The following ALG8 variants were observed in gnomAD, a reference collection of about 807,000 sequenced individuals.
The protein encoded by ALG8 is dolichyl pyrophosphate Glc1Man9GlcNAc2 alpha-1,3-glucosyltransferase.
A neutral mutation model predicts 70.2 loss-of-function variants in ALG8; 48 were observed. The ratio of observed to expected loss-of-function variants is 0.68; its 90% CI spans 0.54 to 0.87. The LOEUF (loss-of-function observed/expected upper bound fraction) is 0.87. Ranked by LOEUF, ALG8 falls within the 40% of genes least tolerant of loss-of-function variation. ALG8 has a pLI of 0.00. For missense variants in ALG8, 572 were observed against 608.7 expected, an observed-to-expected ratio of 0.94 and a Z score of 0.64; for synonymous variants, 234 against 229.0, an observed-to-expected ratio of 1.02 and a Z score of -0.20.
intron 12 of ALG8, among the ~76,000 whole-genome samples, chr11:78,101,825 T>C (rs1026150125): frequency 2.6e-5 from 4 of 152,000 alleles, no homozygotes; most frequent in Non-Finnish European, 4.4e-5. Flanking sequence ...TGAGAAACAA[T>C]ATAGAATTGA....
intron 6 of ALG8, 93 bp downstream of exon 6, chr11:78,114,173 G>A: frequency 2.6e-6 from 4 of 1,545,258 alleles, no homozygotes; most frequent in Non-Finnish European, 3.6e-6. Context: ...GATATCTGCT[G>A]TGCTTCATAA....
chr11:78,105,966 C>T lies in ALG8; in HGVS notation c.1178+841G>A, dbSNP rs188050670. On this transcript the variant is annotated intron_variant, in intron 10 of 12. Coordinates refer to ENST00000299626, the MANE Select transcript of ALG8 (RefSeq NM_024079.5). ...TCAAGTGAACCACCGCTTCAGCCTCCGAAAGTACTGGGATTGCAGATGTGA... is the reference window on the plus strand; with the variant it reads ...TCAAGTGAACCACCGCTTCAGCCTCTGAAAGTACTGGGATTGCAGATGTGA... Among the ~76,000 whole-genome samples the T allele has an allele frequency of 1.2e-3, 180 of 152,128 alleles. 1 individual carries two copies. Among genetic ancestry groups the T allele is most frequent in the Middle Eastern group, 6.8e-3 (2 of 294 alleles).
Position 78,127,418 on chromosome 11 carries a change from T to C in ALG8, c.114A>G (p.Glu38=). Residue 38 remains glutamate (E), a synonymous_variant, in exon 2 of 13, where the codon GAA becomes GAG. Transcript: ENST00000299626. ...LIPTYHSTDF[E]VHRNWLAITH... ...TGATAGCAAGCCAGTTTCGGTGTAC[T>C]TCAAAATCTGTGGAATGGCTACTCA... 1 of 1,613,960 alleles carries C rather than the reference T, an allele frequency of 6.2e-7. No individual in the cohort carries two copies. The highest frequency in any genetic ancestry group is 8.5e-7 in the Non-Finnish European group (1 of 1,179,894).
chr11:78,123,030 C>T (rs115408194), intron 3 of ALG8, among the ~76,000 whole-genome samples: 1 of 151,740 alleles, frequency 6.6e-6, no homozygotes, highest in Non-Finnish European at 1.5e-5. Context: ...AGAATGAGGT[C>T]GGTGCAGCGG....
intron 4 of ALG8, among the ~76,000 whole-genome samples, chr11:78,120,591 C>T (rs1860777445): frequency 6.6e-6 from 1 of 152,172 alleles, no homozygotes; most frequent in Non-Finnish European, 1.5e-5. Flanking sequence ...AAAACTGCAA[C>T]TATTAGTTTC....
intron 9 of ALG8, among the ~76,000 whole-genome samples, chr11:78,108,161 T>C (rs1262608052): frequency 6.6e-6 from 1 of 152,140 alleles, no homozygotes; most frequent in Non-Finnish European, 1.5e-5. Context: ...ATGCCTGTAG[T>C]TCCAGCTACT....
At chr11:78,109,961 G>C (rs590981) in intron 8 of ALG8, among the ~76,000 whole-genome samples, 7 of 152,132 alleles carry the variant, frequency 4.6e-5, no homozygotes, top group Non-Finnish European at 4.4e-5. Context: ...ATAGTATCCA[G>C]TGTCTTCCAT....
rs1220218900 is a variant in ALG8 at position 78,123,315 on chromosome 11, G to GAAAAAAAAAAAAAAAAAAAAAA, written c.368+705_368+706insTTTTTTTTTTTTTTTTTTTTTT. Among the ~76,000 whole-genome samples, 7 of 88,546 alleles carry GAAAAAAAAAAAAAAAAAAAAAA rather than the reference G, an allele frequency of 7.9e-5. 1 individual carries two copies. The highest frequency in any genetic ancestry group is 7.6e-4 in the South Asian group (2 of 2,628). The allele number at this position is 88,546 out of a possible 152,430, so 58.1% of individuals were successfully genotyped here. A position where few individuals can be genotyped will look rare whatever the true frequency, so the allele number is the denominator to read the frequency against. On this transcript the variant is annotated intron_variant, in intron 3 of 12. Transcript: ENST00000299626. ...AAGATTCCATCTCAGGGAAAAAAAA[G>GAAAAAAAAAAAAAAAAAAAAAA]AAAAAAAAAAAAAAAAAAAAAGAAA...
chr11:78,108,711 G>A (rs1361353349), intron 9 of ALG8, among the ~76,000 whole-genome samples: 2 of 152,148 alleles, frequency 1.3e-5, no homozygotes, highest in African/African-American at 4.8e-5. Context: ...TAAAATATGT[G>A]AACAAACAGC....
At position 78,105,376 on chromosome 11, in the gene ALG8, G is replaced by GT. The variant is rs1391117912; in HGVS notation, c.1179-924dup. Among the ~76,000 whole-genome samples, 5 of 152,206 alleles carry GT rather than the reference G, an allele frequency of 3.3e-5. No homozygotes were observed. The East Asian group carries it at 5.8e-4, about 18-fold the overall frequency. Reference sequence around the variant, plus strand: ...AAACTGGACACTTACATTTAAAATGGTTTTTTTAGCATGGCATAGTGAAAA... The same window carrying GT: ...AAACTGGACACTTACATTTAAAATGGTTTTTTTTAGCATGGCATAGTGAAAA... On this transcript the variant is annotated intron_variant, in intron 10 of 12. Coordinates refer to ENST00000299626, the MANE Select transcript of ALG8 (RefSeq NM_024079.5).
chr11:78,133,493 G>A (rs536951514), intron 1 of ALG8: 5 of 152,086 alleles, frequency 3.3e-5, no homozygotes, highest in African/African-American at 1.2e-4. Flanking sequence ...TGTATCATTC[G>A]ATTTTAGTGC....
intron 4 of ALG8, 96 bp from the exon 5 acceptor site, chr11:78,119,345 A>G (rs1349866120): frequency 1.2e-6 from 1 of 852,524 alleles, no homozygotes; most frequent in Non-Finnish European, 2.0e-6. Flanking sequence ...CTTTAATAGC[A>G]AAATTAAAGA....
At chr11:78,134,031 C>T (rs1861432245) in intron 1 of ALG8, among the ~76,000 whole-genome samples, 1 of 152,132 alleles carries the variant, frequency 6.6e-6, no homozygotes, top group African/African-American at 2.4e-5. Flanking sequence ...TCTGCACCTT[C>T]GGCAAGTCCT....
intron 1 of ALG8, among the ~76,000 whole-genome samples, chr11:78,134,139 GTT>G (rs762274757): frequency 1.4e-5 from 2 of 139,948 alleles, no homozygotes. Context: ...TGGCAAACTG[GTT>G]TTTTTTTTTT....
chr11:78,109,723 CCTATA>C (rs1860196992), intron 8 of ALG8, 142 bp from the exon 9 acceptor site: 5 of 862,018 alleles, frequency 5.8e-6, no homozygotes, highest in Non-Finnish European at 9.2e-6. Context: ...TGAATTTAAT[CCTATA>C]CTATTCTACC....
chr11:78,102,945 C>G (rs1859859431), intron 12 of ALG8: 1 of 116,172 alleles, frequency 8.6e-6, no homozygotes, highest in Non-Finnish European at 1.7e-5. Flanking sequence ...GGGTGAAACT[C>G]CGTCTCAAAA....
At chr11:78,126,069 G>C (rs985166003) in intron 2 of ALG8, among the ~76,000 whole-genome samples, 3 of 152,046 alleles carry the variant, frequency 2.0e-5, no homozygotes, top group African/African-American at 7.2e-5. Flanking sequence ...TGAGGCAGGA[G>C]AATGGCGTGA....
At chr11:78,108,688 G>C (rs1030762138) in intron 9 of ALG8, among the ~76,000 whole-genome samples, 3 of 152,148 alleles carry the variant, frequency 2.0e-5, no homozygotes, top group Non-Finnish European at 4.4e-5. Context: ...TAGGAAAAAT[G>C]TTTTACCTCA....
At chr11:78,106,181 C>T (rs1050711616) in intron 10 of ALG8, among the ~76,000 whole-genome samples, 8 of 152,084 alleles carry the variant, frequency 5.3e-5, no homozygotes, top group South Asian at 2.1e-4. Context: ...GACGGGATGA[C>T]ACCAAAGCCC....
Sources: gnomAD v4.1 joint callset for allele counts (sites outside exome capture counted in the v4.1 genomes callset) on GRCh38, gnomAD v4.1.1 for gene constraint, MANE v1.5 for transcripts, NCBI Gene and HGNC (gene_info 2026-07-23, HGNC 2026-07-21) for gene names.